Variants in NCKAP5 observed in about 807,000 individuals in gnomAD.
The protein encoded by NCKAP5 is NCK associated protein 5.
In NCKAP5, 92 loss-of-function variants were observed where a neutral mutation model predicts 167.0. That is an observed-to-expected ratio of 0.55 (90% CI 0.47 to 0.66). NCKAP5 has a LOEUF of 0.66. NCKAP5 is among the 30% of genes least tolerant of loss of function. The probability of loss-of-function intolerance (pLI) is 0.00; values close to 1 mark genes in which losing one functional copy is unlikely to be tolerated. For missense variants in NCKAP5, 2,378 were observed against 2,315.0 expected, an observed-to-expected ratio of 1.03 and a Z score of -0.56; for synonymous variants, 891 against 877.4, an observed-to-expected ratio of 1.02 and a Z score of -0.27.
intron 19 of NCKAP5, among the ~76,000 whole-genome samples, chr2:132,704,115 G>C (rs1460734569): frequency 1.3e-5 from 2 of 152,128 alleles, no homozygotes; most frequent in African/African-American, 4.8e-5. Context: ...CTTTTCTGAA[G>C]GTGTCTTTCA....
intron 11 of NCKAP5, among the ~76,000 whole-genome samples, chr2:132,847,805 C>T (rs752902403): frequency 6.6e-6 from 1 of 152,174 alleles, no homozygotes; most frequent in Non-Finnish European, 1.5e-5. Flanking sequence ...GTATATCTTA[C>T]ATGATTTTGT....
chr2:132,731,257 T>C (rs1690980156), intron 17 of NCKAP5, among the ~76,000 whole-genome samples: 1 of 152,228 alleles, frequency 6.6e-6, no homozygotes, highest in South Asian at 2.1e-4. Context: ...CTCTATTCTA[T>C]TGCAATCGGT....
intron 19 of NCKAP5, among the ~76,000 whole-genome samples, chr2:132,711,362 C>A (rs1436790282): frequency 6.6e-6 from 1 of 152,148 alleles, no homozygotes; most frequent in African/African-American, 2.4e-5. Flanking sequence ...AATAACATAG[C>A]CAGCATCAAA....
chr2:133,037,257 T>C (rs1573825125), intron 6 of NCKAP5, among the ~76,000 whole-genome samples: 2 of 152,062 alleles, frequency 1.3e-5, no homozygotes, highest in Admixed American at 6.6e-5. Context: ...GCAATCCCTA[T>C]CAAAATACCA....
chr2:132,853,367 A>G (rs921777648), intron 11 of NCKAP5, among the ~76,000 whole-genome samples: 3 of 152,108 alleles, frequency 2.0e-5, no homozygotes, highest in Non-Finnish European at 4.4e-5. Flanking sequence ...AGGGCACACA[A>G]CTTCCTTTCC....
chr2:132,724,434 G>A (rs901010832), intron 19 of NCKAP5, among the ~76,000 whole-genome samples: 1 of 152,102 alleles, frequency 6.6e-6, no homozygotes, highest in Non-Finnish European at 1.5e-5. Context: ...GCTGAAAGGG[G>A]CCCTGGAAAC....
At chr2:132,710,619 G>A (rs951474714) in intron 19 of NCKAP5, among the ~76,000 whole-genome samples, 3 of 152,168 alleles carry the variant, frequency 2.0e-5, no homozygotes, top group African/African-American at 7.2e-5. Flanking sequence ...AGTATAATTT[G>A]ACATAGTTAG....
chr2:133,412,058 T>C (rs760416195), intron 3 of NCKAP5, among the ~76,000 whole-genome samples: 1 of 152,108 alleles, frequency 6.6e-6, no homozygotes, highest in African/African-American at 2.4e-5. Flanking sequence ...ATGGTCACAG[T>C]AGTCACTGCT....
chr2:133,383,126 T>TAC (rs1350387841), intron 3 of NCKAP5, among the ~76,000 whole-genome samples: 1 of 152,162 alleles, frequency 6.6e-6, no homozygotes, highest in Non-Finnish European at 1.5e-5. Flanking sequence ...GCAGGTTTGT[T>TAC]ACATATGTAT....
At chr2:133,649,188 G>A in the NCKAP5 span, among the ~76,000 whole-genome samples, 1 of 150,322 alleles carries the variant, frequency 6.7e-6, no homozygotes, top group Non-Finnish European at 1.5e-5. Flanking sequence ...ACGAAATTAT[G>A]AAGAAATAGA....
chr2:133,232,012 A>G (rs2150252081), intron 4 of NCKAP5, among the ~76,000 whole-genome samples: 1 of 152,358 alleles, frequency 6.6e-6, no homozygotes. Context: ...GTGTATAATG[A>G]TAAAACTCAG....
chr2:133,620,940 A>C, the NCKAP5 span, among the ~76,000 whole-genome samples: 1 of 152,306 alleles, frequency 6.6e-6, no homozygotes, highest in African/African-American at 2.4e-5. Context: ...CCACAGTGGA[A>C]TAAAACTGGA....
Position 132,785,645 on chromosome 2 carries a change from T to C in NCKAP5, c.1166A>G (p.Asn389Ser). Residue 389 changes from asparagine to serine, a missense_variant, in exon 14 of 20, where the codon AAT becomes AGT. Asn to Ser is a conservative substitution (Grantham distance 46). Transcript: ENST00000409261. Reference protein sequence around the residue: ...SLPSGFASPTNELPPTRIKES... With the variant: ...SLPSGFASPTSELPPTRIKES... ...CTTGATACGAGTTGGAGGTAGTTCA[T>C]TTGTAGGACTAGCAAAGCCACTTGG... is the stretch of plus-strand genomic sequence containing the variant. 6.5e-7 allele frequency: 1 copy of C among 1,527,692 alleles called. No homozygotes were observed. 94.6% of individuals were successfully genotyped at this position (1,527,692 alleles called of 1,614,324 possible). A position where few individuals can be genotyped will look rare whatever the true frequency, so the allele number is the denominator to read the frequency against.
intron 7 of NCKAP5, among the ~76,000 whole-genome samples, chr2:132,972,123 C>A (rs1208631939): frequency 2.6e-5 from 4 of 152,160 alleles, no homozygotes; most frequent in Admixed American, 6.5e-5. Flanking sequence ...TATACTGGAA[C>A]AGTAGGTGTA....
intron 5 of NCKAP5, among the ~76,000 whole-genome samples, chr2:133,176,018 A>G (rs1334892277): frequency 6.6e-6 from 1 of 152,200 alleles, no homozygotes; most frequent in Non-Finnish European, 1.5e-5. Flanking sequence ...GCTAACAAAG[A>G]GCCTGATGCA....
intron 16 of NCKAP5, among the ~76,000 whole-genome samples, chr2:132,761,496 T>C (rs1435582497): frequency 5.3e-5 from 8 of 152,240 alleles, no homozygotes; most frequent in Admixed American, 4.6e-4. Context: ...TTGCTGTTCC[T>C]AGCCTGTGAT....
intron 10 of NCKAP5, among the ~76,000 whole-genome samples, chr2:132,860,857 T>C (rs1574447147): frequency 6.6e-6 from 1 of 152,226 alleles, no homozygotes; most frequent in East Asian, 1.9e-4. Flanking sequence ...TCTAGCATGC[T>C]ATTTTTGAAG....
At chr2:132,726,572 A>G (rs1443873515) in intron 18 of NCKAP5, among the ~76,000 whole-genome samples, 1 of 152,180 alleles carries the variant, frequency 6.6e-6, no homozygotes, top group Non-Finnish European at 1.5e-5. Flanking sequence ...GTTAGAGCCT[A>G]TTATTCCTCC....
chr2:132,882,564 C>G (rs1691847422), intron 8 of NCKAP5, among the ~76,000 whole-genome samples: 1 of 152,070 alleles, frequency 6.6e-6, no homozygotes, highest in Admixed American at 6.6e-5. Flanking sequence ...TTCTTTAGAA[C>G]AAAAGTATAA....
Sources: gnomAD v4.1 joint callset for allele counts (sites outside exome capture counted in the v4.1 genomes callset) on GRCh38, gnomAD v4.1.1 for gene constraint, MANE v1.5 for transcripts, NCBI Gene and HGNC (gene_info 2026-07-23, HGNC 2026-07-21) for gene names.